WWOX: variants seen among roughly 807,000 people sequenced by gnomAD.
WWOX encodes WW domain-containing oxidoreductase.
WWOX carries 69 observed loss-of-function variants against 46.2 expected under a neutral mutation model. The observed-to-expected ratio is 1.49, with a 90% CI of 1.23 to 1.82. The LOEUF (loss-of-function observed/expected upper bound fraction) is 1.82, where lower values mean the gene tolerates loss of function less well. Among genes scored for constraint, WWOX ranks in the 40% most tolerant of loss-of-function variants. The probability of loss-of-function intolerance (pLI) is 0.00; values close to 1 mark genes in which losing one functional copy is unlikely to be tolerated. For missense variants in WWOX, 919 were observed against 542.6 expected, an observed-to-expected ratio of 1.69 and a Z score of -6.89; for synonymous variants, 359 against 202.6, an observed-to-expected ratio of 1.77 and a Z score of -6.56.
rs139258614 is a variant in WWOX, at chr16:78,795,926, C to T, written c.1056+363174C>T. On this transcript the variant is annotated intron_variant, in intron 8 of 8. Transcript: ENST00000566780. ...AAAGTATAAGGTTTAAGTAAGCGAA[C>T]GAAATGGAAGATAATTGAGGAAGAA... Among the ~76,000 whole-genome samples the T allele has an allele frequency of 3.5e-3, 530 of 151,796 alleles. 6 individuals are homozygous for T. Among genetic ancestry groups the T allele is most frequent in the Middle Eastern group, 0.01 (3 of 294 alleles).
chr16:78,926,137 C>T (rs2045492190), intron 8 of WWOX, among the ~76,000 whole-genome samples: 1 of 151,998 alleles, frequency 6.6e-6, no homozygotes, highest in African/African-American at 2.4e-5. Flanking sequence ...AGTGGATGGA[C>T]CCAAAATGGG....
chr16:78,493,800 T>C lies in WWOX; in HGVS notation c.1056+61048T>C, dbSNP rs546968233. On this transcript the variant is annotated intron_variant, in intron 8 of 8. Transcript: ENST00000566780. ...CTAGGCCAAGAGCATAGAGGTGGAA[T>C]TGTTGTGTGAGCCTGTAGAGTCCGT... Among the ~76,000 whole-genome samples the C allele has an allele frequency of 1.6e-4, 24 of 152,258 alleles. No homozygotes were observed. The South Asian group carries it at 5.0e-3, about 32-fold the overall frequency.
At chr16:79,123,006 C>G (rs80101506) in intron 8 of WWOX, among the ~76,000 whole-genome samples, 5 of 152,184 alleles carry the variant, frequency 3.3e-5, no homozygotes, top group Admixed American at 6.5e-5. Context: ...TCCTTCTTCT[C>G]TCTTGAACAA....
intron 8 of WWOX, among the ~76,000 whole-genome samples, chr16:79,163,940 C>A (rs950585860): frequency 6.7e-6 from 1 of 150,250 alleles, no homozygotes; most frequent in Non-Finnish European, 1.5e-5. Context: ...TCTGCCGTTT[C>A]TAGCCCAGCC....
chr16:78,923,104 TGCGAGTAG>T (rs554314245), intron 8 of WWOX, among the ~76,000 whole-genome samples: 170 of 151,804 alleles, frequency 1.1e-3, no homozygotes, highest in African/African-American at 3.9e-3. Flanking sequence ...GCCTCAGCCT[TGCGAGTAG>T]CTGGGATTAC....
At chr16:79,031,358 A>C (rs1018750334) in intron 8 of WWOX, among the ~76,000 whole-genome samples, 2 of 152,068 alleles carry the variant, frequency 1.3e-5, no homozygotes, top group African/African-American at 4.8e-5. Flanking sequence ...GACAGTCTAC[A>C]CAGCTCCTGC....
At chr16:78,693,370 T>G (rs1327657015) in intron 8 of WWOX, among the ~76,000 whole-genome samples, 1 of 152,188 alleles carries the variant, frequency 6.6e-6, no homozygotes, top group East Asian at 1.9e-4. Context: ...TCTCTCTGTT[T>G]CCTTTATTAC....
intron 8 of WWOX, among the ~76,000 whole-genome samples, chr16:78,850,670 C>T (rs1443176903): frequency 6.6e-6 from 1 of 152,168 alleles, no homozygotes; most frequent in Non-Finnish European, 1.5e-5. Context: ...TGACGAGCCT[C>T]ATCCAGGACC....
At chr16:79,029,176 G>A (rs1597299575) in intron 8 of WWOX, among the ~76,000 whole-genome samples, 1 of 152,160 alleles carries the variant, frequency 6.6e-6, no homozygotes, top group East Asian at 1.9e-4. Flanking sequence ...GGAGGCCCCA[G>A]GCTGGGACTT....
chr16:78,936,120 G>C (rs946735030), intron 8 of WWOX, among the ~76,000 whole-genome samples: 2 of 152,096 alleles, frequency 1.3e-5, no homozygotes, highest in East Asian at 1.9e-4. Flanking sequence ...AGGTAATGAT[G>C]AGTTTTGGTC....
intron 5 of WWOX, among the ~76,000 whole-genome samples, chr16:78,358,808 CTCTT>C (rs919459686): frequency 6.7e-6 from 1 of 150,286 alleles, no homozygotes; most frequent in Admixed American, 6.6e-5. Context: ...TTTTGTGTAG[CTCTT>C]TCTGACTTTT....
intron 8 of WWOX, among the ~76,000 whole-genome samples, chr16:79,165,030 ATTTGAGGGTCTC>A (rs1486678587): frequency 6.6e-6 from 1 of 151,938 alleles, no homozygotes; most frequent in East Asian, 1.9e-4. Context: ...TTTAACCTCT[ATTTGAGGGTCTC>A]TGGGAGGACC....
intron 8 of WWOX, among the ~76,000 whole-genome samples, chr16:79,055,293 T>C (rs1209669231): frequency 1.3e-5 from 2 of 152,224 alleles, no homozygotes; most frequent in Non-Finnish European, 1.5e-5. Context: ...CACATTGTGA[T>C]AAAGATGAAT....
chr16:78,336,395 A>AT (rs1311198384), intron 5 of WWOX, among the ~76,000 whole-genome samples: 1 of 147,404 alleles, frequency 6.8e-6, no homozygotes, highest in Admixed American at 6.9e-5. Context: ...AGTCCCAGCT[A>AT]TTTGGGAGGC....
chr16:78,853,624 T>A (rs1160811393), intron 8 of WWOX, among the ~76,000 whole-genome samples: 2 of 152,156 alleles, frequency 1.3e-5, no homozygotes, highest in Non-Finnish European at 2.9e-5. Flanking sequence ...CTGAAAAACC[T>A]GTAGTACTTC....
At chr16:78,729,322 G>T (rs1000311663) in intron 8 of WWOX, among the ~76,000 whole-genome samples, 1 of 151,224 alleles carries the variant, frequency 6.6e-6, no homozygotes, top group Admixed American at 6.6e-5. Context: ...AGCCTGGGCA[G>T]CAGAGCAAGA....
At chr16:78,217,099 C>T (rs1269769795) in intron 5 of WWOX, among the ~76,000 whole-genome samples, 2 of 152,226 alleles carry the variant, frequency 1.3e-5, no homozygotes, top group East Asian at 3.8e-4. Context: ...GCCACGCAGT[C>T]TACCATATTC....
At chr16:78,467,149 G>A (rs1399481331) in intron 8 of WWOX, among the ~76,000 whole-genome samples, 1 of 152,104 alleles carries the variant, frequency 6.6e-6, no homozygotes, top group African/African-American at 2.4e-5. Context: ...CAAAGCCAAA[G>A]ATTCCATTTT....
intron 8 of WWOX, among the ~76,000 whole-genome samples, chr16:78,779,706 G>C (rs1271882260): frequency 2.0e-5 from 3 of 152,206 alleles, no homozygotes; most frequent in Non-Finnish European, 4.4e-5. Flanking sequence ...AGCCCATCTG[G>C]TTCAGAAGCT....
Sources: allele counts gnomAD v4.1 joint callset (sites outside exome capture counted in the v4.1 genomes callset), GRCh38; gene constraint gnomAD v4.1.1; transcripts MANE v1.5; gene names NCBI Gene and HGNC (gene_info 2026-07-23, HGNC 2026-07-21).